Variants in SLAMF6 observed in about 807,000 individuals in gnomAD.
SLAMF6 encodes the protein NK-T-B-antigen.
SLAMF6 carries 21 observed loss-of-function variants against 38.3 expected under a neutral mutation model. The observed-to-expected ratio is 0.55, with a 90% CI of 0.39 to 0.79. The LOEUF (loss-of-function observed/expected upper bound fraction) is 0.79, where lower values mean the gene tolerates loss of function less well. Among genes scored for constraint, SLAMF6 ranks in the 30% least tolerant of loss-of-function variants. SLAMF6 has a pLI of 0.00. For missense variants in SLAMF6, 341 were observed against 385.3 expected (o/e 0.89, Z 0.96); for synonymous variants, 152 against 146.3 (o/e 1.04, Z -0.28).
chr1:160,494,523 A>T (rs922407373), intron 2 of SLAMF6, among the ~76,000 whole-genome samples: 2 of 152,156 alleles, frequency 1.3e-5, no homozygotes, highest in Non-Finnish European at 2.9e-5. Context: ...CCAGAATCTG[A>T]ATATTACCTT....
chr1:160,508,900 A>G (rs188792718), intron 1 of SLAMF6, among the ~76,000 whole-genome samples: 1 of 152,392 alleles, frequency 6.6e-6, no homozygotes, highest in Non-Finnish European at 1.5e-5. Flanking sequence ...GACATATGAA[A>G]AAATGCTCAT....
rs1303151315 is a variant in SLAMF6, at chr1:160,485,333, T to C, written c.*1374A>G. The C allele has an allele frequency of 6.6e-6, 1 of 152,210 alleles. No individual in the cohort carries two copies. The highest frequency in any genetic ancestry group is 1.5e-5 in the Non-Finnish European group (1 of 68,058). 9.4% of individuals were successfully genotyped at this position (152,210 alleles called of 1,614,324 possible). On this transcript the variant is annotated 3_prime_UTR_variant, in exon 8 of 8. Transcript: ENST00000368057. Reference sequence around the variant, plus strand: ...TCCCAAAGTACAGGGATTACAGGTGTGAGCCACCATGCCCAGCCTAGAAGA... The same window carrying C: ...TCCCAAAGTACAGGGATTACAGGTGCGAGCCACCATGCCCAGCCTAGAAGA...
chr1:160,502,550 A>G (rs10494344), intron 1 of SLAMF6, among the ~76,000 whole-genome samples: 13,904 of 152,178 alleles, frequency 0.091, 1,721 homozygotes, highest in African/African-American at 0.28. Context: ...AGTAGATTGG[A>G]ATTAGAATAG....
At chr1:160,510,330 C>T (rs1399566016) in intron 1 of SLAMF6, among the ~76,000 whole-genome samples, 1 of 151,952 alleles carries the variant, frequency 6.6e-6, no homozygotes, top group Admixed American at 6.6e-5. Context: ...AATATTGATG[C>T]AAAAACTTTC....
chr1:160,499,946 G>A (rs1653796728), intron 1 of SLAMF6, among the ~76,000 whole-genome samples: 1 of 152,178 alleles, frequency 6.6e-6, no homozygotes, highest in Admixed American at 6.5e-5. Context: ...AATACCACAA[G>A]CAACATTTTG....
At chr1:160,518,429 T>A (rs1454427897) in intron 1 of SLAMF6, among the ~76,000 whole-genome samples, 3 of 152,124 alleles carry the variant, frequency 2.0e-5, no homozygotes, top group African/African-American at 7.2e-5. Flanking sequence ...AGAATATAAA[T>A]CATTGTTATA....
chr1:160,497,025 C>A (rs1653621702), intron 1 of SLAMF6, among the ~76,000 whole-genome samples: 1 of 152,094 alleles, frequency 6.6e-6, no homozygotes, highest in Non-Finnish European at 1.5e-5. Context: ...GGTTGCACAG[C>A]TAAAGAATAG....
chr1:160,487,608 C>T (rs1007199277), intron 6 of SLAMF6, among the ~76,000 whole-genome samples: 4 of 152,182 alleles, frequency 2.6e-5, no homozygotes, highest in African/African-American at 9.7e-5. Context: ...ATAATTCTAA[C>T]TGCCTTGTCA....
chr1:160,490,158 A>C, intron 5 of SLAMF6, 40 bp downstream of exon 5: 1 of 1,610,218 alleles, frequency 6.2e-7, no homozygotes, highest in African/African-American at 1.3e-5. Context: ...GGCTCTTCCC[A>C]TCTGCTTTAT....
intron 1 of SLAMF6, among the ~76,000 whole-genome samples, chr1:160,512,598 G>A (rs1453060895): frequency 1.3e-5 from 2 of 152,182 alleles, no homozygotes; most frequent in Non-Finnish European, 2.9e-5. Context: ...TTATACAGGA[G>A]CACTCCCACT....
intron 1 of SLAMF6, among the ~76,000 whole-genome samples, chr1:160,514,375 A>T (rs1374069648): frequency 6.6e-6 from 1 of 152,224 alleles, no homozygotes; most frequent in African/African-American, 2.4e-5. Flanking sequence ...AGAGACGTAC[A>T]AGGAGATGTA....
intron 1 of SLAMF6, among the ~76,000 whole-genome samples, chr1:160,515,445 C>T (rs1379813306): frequency 3.9e-5 from 6 of 152,284 alleles, no homozygotes; most frequent in Non-Finnish European, 5.9e-5. Context: ...GGACCTGGCA[C>T]CATTTCTTCT....
At chr1:160,504,834 A>C (rs1654098044) in intron 1 of SLAMF6, among the ~76,000 whole-genome samples, 1 of 152,226 alleles carries the variant, frequency 6.6e-6, no homozygotes, top group Non-Finnish European at 1.5e-5. Context: ...ATACCAGGGA[A>C]TTTGGAAAGC....
Position 160,490,661 on chromosome 1 carries a change from G to T in SLAMF6, c.671C>A (p.Thr224Asn). ...AGAAACCATAAACAGAATCATTTTGGTATCTGTATATTGAATTTTAACATC... is the reference window on the plus strand; with the variant it reads ...AGAAACCATAAACAGAATCATTTTGTTATCTGTATATTGAATTTTAACATC... ...CEDVKIQYTDTKMILFMVSGI... is the reference protein window; with the variant it reads ...CEDVKIQYTDNKMILFMVSGI... Residue 224 changes from threonine (T) to asparagine (N), a missense_variant, in exon 4 of 8, where the codon ACC (threonine) becomes AAC (asparagine). Thr to Asn is a moderately conservative substitution (Grantham distance 65). Transcript: ENST00000368057. 2 of 1,613,724 alleles carry T rather than the reference G, an allele frequency of 1.2e-6. No homozygotes were observed. Among genetic ancestry groups the T allele is most frequent in the Non-Finnish European group, 1.7e-6 (2 of 1,179,798 alleles).
chr1:160,522,567 T>G lies in SLAMF6; in HGVS notation c.49+577A>C, dbSNP rs113226404. Among the ~76,000 whole-genome samples, 158 of 152,292 alleles carry G rather than the reference T, an allele frequency of 1.0e-3. 1 individual carries two copies. Among genetic ancestry groups the G allele is most frequent in the African/African-American group, 3.7e-3 (153 of 41,562 alleles). ...AGTTCATTCTTTTCTCACTGCCATA[T>G]ATAATGCATTGCTGGACTAGCTAGC... On this transcript the variant is annotated intron_variant, in intron 1 of 7. Coordinates refer to ENST00000368057, the MANE Select transcript of SLAMF6 (RefSeq NM_001184714.2).
In SLAMF6 at chr1:160,486,466, T is replaced by G; in HGVS notation, c.*241A>C. The G allele has an allele frequency of 2.1e-6, 1 of 472,914 alleles. No individual in the cohort carries two copies. Among genetic ancestry groups the G allele is most frequent in the African/African-American group, 2.0e-5 (1 of 50,882 alleles). 29.3% of individuals were successfully genotyped at this position (472,914 alleles called of 1,614,324 possible). A position where few individuals can be genotyped will look rare whatever the true frequency, so the allele number is the denominator to read the frequency against. On this transcript the variant is annotated 3_prime_UTR_variant, in exon 8 of 8. Transcript: ENST00000368057. ...ATGTGCTGGTGTGTTATCTTTAGCA[T>G]GTTTTGGCCTGAAGTGGATTGGAAA...
intron 1 of SLAMF6, among the ~76,000 whole-genome samples, chr1:160,511,547 C>T (rs1255620036): frequency 6.6e-6 from 1 of 152,176 alleles, no homozygotes; most frequent in East Asian, 1.9e-4. Flanking sequence ...GGGCCCCTTC[C>T]TCTCATTATA....
chr1:160,488,944 C>A (rs186835001), intron 6 of SLAMF6, 144 bp downstream of exon 6: 3 of 704,744 alleles, frequency 4.3e-6, no homozygotes, highest in Admixed American at 2.1e-5. Flanking sequence ...AGTGGTCTAG[C>A]GCATAACTTT....
chr1:160,520,177 G>C (rs1166510962), intron 1 of SLAMF6, among the ~76,000 whole-genome samples: 1 of 152,030 alleles, frequency 6.6e-6, no homozygotes, highest in African/African-American at 2.4e-5. Flanking sequence ...ACTGCTCGGG[G>C]GCCATCAGGT....
Sources: allele counts gnomAD v4.1 joint callset (sites outside exome capture counted in the v4.1 genomes callset), GRCh38; gene constraint gnomAD v4.1.1; transcripts MANE v1.5; gene names NCBI Gene and HGNC (gene_info 2026-07-23, HGNC 2026-07-21).